The following IKBIP variants were observed in gnomAD, a reference collection of about 807,000 sequenced individuals.
The protein encoded by IKBIP is IKBKB interacting protein, also known as inhibitor of nuclear factor kappa-B kinase-interacting protein.
IKBIP carries 28 observed loss-of-function variants against 31.0 expected under a neutral mutation model. The ratio of observed to expected loss-of-function variants is 0.90; its 90% CI spans 0.67 to 1.24. The LOEUF is 1.24. Ranked by LOEUF, IKBIP falls within the 50% of genes most tolerant of loss-of-function variation. The pLI is 0.00. For missense variants in IKBIP, 453 were observed against 441.9 expected (o/e 1.03, Z -0.23); for synonymous variants, 164 against 160.3 (o/e 1.02, Z -0.17).
Position 98,624,831 on chromosome 12 carries a change from G to A in IKBIP, c.*1099C>T. 4 of 760,886 alleles carry A rather than the reference G, an allele frequency of 5.3e-6. No individual in the cohort carries two copies. The highest frequency in any genetic ancestry group is 6.4e-6 in the Non-Finnish European group (4 of 625,428). The allele number at this position is 760,886 out of a possible 1,614,324, so 47.1% of individuals were successfully genotyped here. On this transcript the variant is annotated 3_prime_UTR_variant, in exon 3 of 3. Transcript: ENST00000299157. ...TTATTTATTTATTTATTGAGACAGA[G>A]TCTCACTTTGCCACTCAGGCTGGAG...
At position 98,626,017 on chromosome 12, in the gene IKBIP, A is replaced by T; in HGVS notation, c.1047T>A (p.His349Gln). 1 of 1,561,404 alleles carries T rather than the reference A, an allele frequency of 6.4e-7. No individual in the cohort carries two copies. The highest frequency in any genetic ancestry group is 8.7e-7 in the Non-Finnish European group (1 of 1,151,364). Residue 349 changes from histidine to glutamine, a missense_variant, in exon 3 of 3, where the codon CAT becomes CAA. Physicochemically the swap from His to Gln is conservative, Grantham distance 24 (BLOSUM62 0). Coordinates refer to ENST00000299157, the MANE Select transcript of IKBIP (RefSeq NM_153687.4). ...NELDILKEKV[H>Q]DFIAYSSTGE... ...CTGTACTTGAGTATGCTATAAAATC[A>T]TGAACTTTTTCTTTTAGAATATCCA...
intron 2 of IKBIP, among the ~76,000 whole-genome samples, chr12:98,631,598 C>A (rs1169979113): frequency 6.6e-6 from 1 of 150,412 alleles, no homozygotes; most frequent in African/African-American, 2.4e-5. Context: ...CATGGTGAAA[C>A]CCCGTCTCTA....
chr12:98,644,453 G>GA, intron 1 of IKBIP, 70 bp downstream of exon 1: 2 of 1,443,162 alleles, frequency 1.4e-6, no homozygotes, highest in Non-Finnish European at 1.9e-6. Flanking sequence ...GCTGGATGTT[G>GA]AGCCGGGTGG....
At chr12:98,622,536 G>C (rs1479562289), downstream of IKBIP, among the ~76,000 whole-genome samples, 2 of 152,008 alleles carry the variant, frequency 1.3e-5, no homozygotes, top group African/African-American at 4.8e-5. Context: ...TTAATTAATA[G>C]CTTATAAATT....
intron 1 of IKBIP, among the ~76,000 whole-genome samples, chr12:98,638,152 T>C (rs1304933445): frequency 2.0e-5 from 3 of 152,176 alleles, no homozygotes; most frequent in Non-Finnish European, 4.4e-5. Flanking sequence ...TAATATCGAA[T>C]GGAGGCAACG....
chr12:98,629,822 C>T (rs2097618259), intron 2 of IKBIP, among the ~76,000 whole-genome samples: 1 of 152,078 alleles, frequency 6.6e-6, no homozygotes, highest in Admixed American at 6.6e-5. Flanking sequence ...CAGTATACCC[C>T]AAGTAAGTGC....
intron 2 of IKBIP, among the ~76,000 whole-genome samples, chr12:98,632,513 ATATAT>A (rs1471026267): frequency 3.1e-3 from 42 of 13,672 alleles, no homozygotes; most frequent in East Asian, 6.3e-3. Flanking sequence ...AAAAAAAAAA[ATATAT>A]ATATATATAT....
intron 1 of IKBIP, among the ~76,000 whole-genome samples, chr12:98,635,387 G>A (rs2097624933): frequency 6.6e-6 from 1 of 152,186 alleles, no homozygotes; most frequent in South Asian, 2.1e-4. Flanking sequence ...GGGTCAACAT[G>A]TCCAGCCTAG....
chr12:98,629,316 G>A (rs1000909887), intron 2 of IKBIP, among the ~76,000 whole-genome samples: 9 of 152,100 alleles, frequency 5.9e-5, no homozygotes, highest in African/African-American at 2.2e-4. Flanking sequence ...CAAGGCAGAA[G>A]GACTGCTTGA....
chr12:98,614,427 T>C, intron 2 of IKBIP: 2 of 761,822 alleles, frequency 2.6e-6, no homozygotes, highest in Non-Finnish European at 3.7e-6. Flanking sequence ...TTCTTTTTAA[T>C]TTTAATTTTT....
intron 2 of IKBIP, among the ~76,000 whole-genome samples, chr12:98,615,627 T>C (rs1464362562): frequency 6.6e-6 from 1 of 152,206 alleles, no homozygotes; most frequent in African/African-American, 2.4e-5. Context: ...TGAAACTTTG[T>C]ATTCTTTAAT....
rs770545610 is a variant in IKBIP at position 98,626,021 on chromosome 12, AC to A, written c.1042del (p.Val348PhefsTer5). Reference protein sequence around the residue: ...QNELDILKEKVHDFIAYSSTG... With the variant: ...QNELDILKEKXHDFIAYSSTG... ...ACTTGAGTATGCTATAAAATCATGA[AC>A]TTTTTCTTTTAGAATATCCAGTTCA... On this transcript the variant is annotated frameshift_variant, in exon 3 of 3. Coordinates refer to ENST00000299157, the MANE Select transcript of IKBIP (RefSeq NM_153687.4). LOFTEE classifies it high-confidence loss of function. 7.7e-5 allele frequency: 121 copies of A among 1,565,618 alleles called. No individual in the cohort carries two copies. The highest frequency in any genetic ancestry group is 1.0e-4 in the Non-Finnish European group (118 of 1,154,050).
chr12:98,634,438 A>G (rs2097623874), intron 1 of IKBIP, 25 bp from the exon 2 acceptor site: 1 of 1,107,866 alleles, frequency 9.0e-7, no homozygotes, highest in African/African-American at 1.5e-5. Flanking sequence ...AAAAATCACT[A>G]TTCTCCAATT....
intron 1 of IKBIP, among the ~76,000 whole-genome samples, chr12:98,635,746 AG>A (rs1162575336): frequency 6.6e-6 from 1 of 152,242 alleles, no homozygotes; most frequent in African/African-American, 2.4e-5. Flanking sequence ...GTGGAGTAGA[AG>A]AGAGAAGTGA....
chr12:98,630,241 C>T (rs796895619), intron 2 of IKBIP, among the ~76,000 whole-genome samples: 3 of 151,526 alleles, frequency 2.0e-5, no homozygotes, highest in African/African-American at 4.9e-5. Context: ...AAAAATTAGC[C>T]GGGTATGTTG....
chr12:98,613,952 C>A, exon 3 of IKBIP: 1 of 1,613,716 alleles, frequency 6.2e-7, no homozygotes, highest in South Asian at 1.1e-5. Context: ...TGCTGTCTTT[C>A]GGAGCGTTGC....
chr12:98,625,405 A>T lies in IKBIP; in HGVS notation c.*525T>A. On this transcript the variant is annotated 3_prime_UTR_variant, in exon 3 of 3. Transcript: ENST00000299157. Reference sequence around the variant, plus strand: ...AGGCATGTTATCTTTTATTTTACACAAAATTCCCATGAACTTGGTTGTGTG... The same window carrying T: ...AGGCATGTTATCTTTTATTTTACACTAAATTCCCATGAACTTGGTTGTGTG... 4.8e-6 allele frequency: 3 copies of T among 623,282 alleles called. 1 individual carries two copies. The South Asian group carries it at 2.2e-4, about 45-fold the overall frequency. 38.6% of individuals were successfully genotyped at this position (623,282 alleles called of 1,614,324 possible). A position where few individuals can be genotyped will look rare whatever the true frequency, so the allele number is the denominator to read the frequency against.
downstream of IKBIP, among the ~76,000 whole-genome samples, chr12:98,623,560 CTTTTTTTTTTTTTTT>C (rs35433597): frequency 3.1e-5 from 2 of 64,190 alleles, no homozygotes; most frequent in Middle Eastern, 0.012. Flanking sequence ...CCTCCTTACA[CTTTTTTTTTTTTTTT>C]TTTTTTTTTT....
chr12:98,614,000 T>A lies in IKBIP; in HGVS notation c.638A>T (p.Asn213Ile), dbSNP rs1006470173. 6.2e-6 allele frequency: 10 copies of A among 1,610,182 alleles called. No homozygotes were observed. The African/African-American group carries it at 1.3e-4, about 22-fold the overall frequency. ...ACTGCTTGAAAGAAGATCACCTATATTTTTTACTGTATTTTTTTCTACTTT... is the reference window on the plus strand; with the variant it reads ...ACTGCTTGAAAGAAGATCACCTATAATTTTTACTGTATTTTTTTCTACTTT... Residue 213 changes from asparagine (N) to isoleucine (I), a missense_variant, in exon 3 of 3, where the codon AAT becomes ATT. Physicochemically the swap from Asn to Ile is moderately radical, Grantham distance 149. Coordinates refer to the IKBIP transcript ENST00000342502.
Sources: gnomAD v4.1 joint callset for allele counts (sites outside exome capture counted in the v4.1 genomes callset) on GRCh38, gnomAD v4.1.1 for gene constraint, MANE v1.5 for transcripts, NCBI Gene and HGNC (gene_info 2026-07-23, HGNC 2026-07-21) for gene names.